Variants in DHX37 observed in about 807,000 individuals in gnomAD.
DHX37 encodes the protein probable ATP-dependent RNA helicase DHX37.
In DHX37, 52 loss-of-function variants were observed where a neutral mutation model predicts 134.3. The ratio of observed to expected loss-of-function variants is 0.39; its 90% CI spans 0.31 to 0.49. The LOEUF is 0.49. Among genes scored for constraint, DHX37 ranks in the 20% least tolerant of loss-of-function variants. DHX37 has a pLI of 0.93. For synonymous variants in DHX37, 634 were observed against 670.7 expected (o/e 0.95, Z 0.85); for missense variants, 1,344 against 1,580.8 (o/e 0.85, Z 2.54).
chr12:124,975,345 C>T, intron 6 of DHX37, 74 bp downstream of exon 6: 1 of 1,491,428 alleles, frequency 6.7e-7, no homozygotes, highest in Non-Finnish European at 9.3e-7. Flanking sequence ...TGCTCACCTC[C>T]TCCTGGGCTT....
At chr12:124,955,856 T>A (rs1391587179) in intron 18 of DHX37, among the ~76,000 whole-genome samples, 1 of 131,172 alleles carries the variant, frequency 7.6e-6, no homozygotes, top group Admixed American at 8.5e-5. Context: ...GTGTGGTTAG[T>A]GGCTGCGGTA....
chr12:124,980,404 GC>G lies in DHX37; in HGVS notation c.738+85del. On this transcript the variant is annotated intron_variant, in intron 4 of 26. Transcript: ENST00000308736. The surrounding 1 kb of genome is among the most constrained non-coding windows in gnomAD (Gnocchi z 5.3). Reference sequence around the variant, plus strand: ...GGACATGGAGGCACAGAGAAGGGATGCCCTTGCCCCACTTCACCAGGACGCC... The same window carrying G: ...GGACATGGAGGCACAGAGAAGGGATGCCTTGCCCCACTTCACCAGGACGCC... The G allele has an allele frequency of 2.8e-6, 4 of 1,412,738 alleles. No individual in the cohort carries two copies. Among genetic ancestry groups the G allele is most frequent in the Non-Finnish European group, 3.8e-6 (4 of 1,046,234 alleles). 87.5% of individuals were successfully genotyped at this position (1,412,738 alleles called of 1,614,324 possible).
At chr12:124,983,388 C>T (rs1301142303) in intron 2 of DHX37, among the ~76,000 whole-genome samples, 2 of 149,536 alleles carry the variant, frequency 1.3e-5, no homozygotes, top group East Asian at 2.0e-4. Flanking sequence ...TGAGCCACCG[C>T]GCCCAGCCTA....
Position 124,950,452 on chromosome 12 carries a change from C to G in DHX37, c.3082G>C (p.Glu1028Gln). ...LEEPAPTYCP[E>Q]RGRVLCHRAS... is the part of the protein sequence containing the mutation. Reference sequence around the variant, plus strand: ...CGGTGACACAGCACCCGCCCCCGCTCGGGGCAGTATGTAGGGGCTGGTTCC... The same window carrying G: ...CGGTGACACAGCACCCGCCCCCGCTGGGGGCAGTATGTAGGGGCTGGTTCC... Residue 1028 changes from glutamate (E) to glutamine (Q), a missense_variant, in exon 23 of 27, where the codon GAG (glutamate) becomes CAG (glutamine). Physicochemically the swap from Glu to Gln is conservative, Grantham distance 29. Coordinates refer to ENST00000308736, the MANE Select transcript of DHX37 (RefSeq NM_032656.4). The G allele has an allele frequency of 5.0e-6, 8 of 1,591,342 alleles. No individual in the cohort carries two copies. The highest frequency in any genetic ancestry group is 1.3e-5 in the African/African-American group (1 of 74,510).
intron 25 of DHX37, 107 bp from the exon 26 acceptor site, chr12:124,948,288 G>T (rs1953912148): frequency 6.8e-7 from 1 of 1,476,632 alleles, no homozygotes; most frequent in Non-Finnish European, 9.0e-7. Context: ...GCCCCACCCA[G>T]GAGGGTGAAG....
In DHX37 at chr12:124,975,409, G is replaced by A; in HGVS notation, c.980+10C>T. The A allele has an allele frequency of 6.2e-7, 1 of 1,612,526 alleles. No individual in the cohort carries two copies. The highest frequency in any genetic ancestry group is 2.2e-5 in the East Asian group (1 of 44,872). ...CCCCATAGTCCGCCCCAGGGAAGTA[G>A]AGCCCTCACCGCTGGGACAGATTCA... On this transcript the variant is annotated intron_variant, in intron 6 of 26. Transcript: ENST00000308736.
In DHX37 at chr12:124,980,357, C is replaced by A; in HGVS notation, c.738+133G>T. ...GCCACAGCCTCAAGGGAGGCGCAGT[C>A]ACTCTCCCCTTTCCCAGATGGGGAC... On this transcript the variant is annotated intron_variant, in intron 4 of 26. Coordinates refer to ENST00000308736, the MANE Select transcript of DHX37 (RefSeq NM_032656.4). This position sits in a 1 kb window ranked among gnomAD's most constrained non-coding sequence, Gnocchi z 5.3. 9.6e-7 allele frequency: 1 copy of A among 1,042,730 alleles called. No homozygotes were observed. Among genetic ancestry groups the A allele is most frequent in the Non-Finnish European group, 1.3e-6 (1 of 743,560 alleles). 64.6% of individuals were successfully genotyped at this position (1,042,730 alleles called of 1,614,324 possible).
chr12:124,954,486 C>T (rs1448725227), intron 18 of DHX37, among the ~76,000 whole-genome samples: 2 of 151,032 alleles, frequency 1.3e-5, no homozygotes, highest in Admixed American at 6.6e-5. Context: ...TTCCGCCTTC[C>T]GGGTTCACAC....
intron 16 of DHX37, among the ~76,000 whole-genome samples, chr12:124,958,679 T>A (rs1206887366): frequency 2.6e-5 from 4 of 152,050 alleles, no homozygotes; most frequent in African/African-American, 9.7e-5. Context: ...CAGGCTAGAG[T>A]GCAACGGCGT....
At chr12:124,985,953 C>A in intron 2 of DHX37, 143 bp downstream of exon 2, 1 of 937,830 alleles carries the variant, frequency 1.1e-6, no homozygotes, top group South Asian at 1.7e-5. Flanking sequence ...TAGTGGCTAC[C>A]GCACTGGACC....
chr12:124,978,577 C>T (rs1278317100), intron 4 of DHX37, among the ~76,000 whole-genome samples: 2 of 150,534 alleles, frequency 1.3e-5, no homozygotes, highest in African/African-American at 2.4e-5. Context: ...CTCGGCCTCC[C>T]AAAGTGTTGG....
At chr12:124,988,356 C>T (rs1954914572) in intron 1 of DHX37, among the ~76,000 whole-genome samples, 1 of 152,148 alleles carries the variant, frequency 6.6e-6, no homozygotes, top group South Asian at 2.1e-4. Flanking sequence ...TGCAACCCAC[C>T]CAATGGCCTC....
intron 15 of DHX37, among the ~76,000 whole-genome samples, chr12:124,964,187 C>A (rs1417687712): frequency 8.0e-6 from 1 of 124,668 alleles, no homozygotes; most frequent in Admixed American, 8.7e-5. Context: ...AAGAGTGAAA[C>A]TCCATCTCAA....
intron 6 of DHX37, 91 bp from the exon 7 acceptor site, chr12:124,972,690 G>C (rs925276300): frequency 3.1e-6 from 4 of 1,299,906 alleles, no homozygotes; most frequent in Non-Finnish European, 4.4e-6. Context: ...GGAGCAGGCA[G>C]GCGGCTTGAG....
chr12:124,982,422 T>C, intron 3 of DHX37, 89 bp downstream of exon 3: 1 of 1,507,070 alleles, frequency 6.6e-7, no homozygotes, highest in Non-Finnish European at 8.9e-7. Context: ...TTCTCAAATG[T>C]TCCACCCCCA....
intron 2 of DHX37, among the ~76,000 whole-genome samples, chr12:124,985,042 C>T (rs895750346): frequency 4.6e-5 from 7 of 152,104 alleles, no homozygotes; most frequent in East Asian, 1.9e-4. Context: ...GCCAAGGGAA[C>T]GCCTGGAGCC....
At chr12:124,964,863 T>C (rs1954344617) in intron 14 of DHX37, 67 bp downstream of exon 14, 3 of 1,516,470 alleles carry the variant, frequency 2.0e-6, no homozygotes, top group Admixed American at 2.1e-5. Flanking sequence ...CACCAAGGGC[T>C]TGACCAACCC....
intron 5 of DHX37, among the ~76,000 whole-genome samples, chr12:124,975,983 T>C (rs901119225): frequency 2.0e-5 from 3 of 152,358 alleles, no homozygotes; most frequent in East Asian, 1.9e-4. Context: ...CGGGGCCCAC[T>C]GTGCCCAGCC....
intron 15 of DHX37, among the ~76,000 whole-genome samples, chr12:124,962,095 C>T (rs1954277272): frequency 6.6e-6 from 1 of 152,192 alleles, no homozygotes; most frequent in South Asian, 2.1e-4. Context: ...CTACTCCCAG[C>T]TACTTGGGAG....
Sources: gnomAD v4.1 joint callset for allele counts (sites outside exome capture counted in the v4.1 genomes callset) on GRCh38, gnomAD v4.1.1 for gene constraint, Gnocchi (gnomAD v3.1) non-coding constraint, MANE v1.5 for transcripts, NCBI Gene and HGNC (gene_info 2026-07-23, HGNC 2026-07-21) for gene names.